BOC: variants seen among roughly 807,000 people sequenced by gnomAD.
The protein encoded by BOC is brother of CDO.
BOC carries 76 observed loss-of-function variants against 112.0 expected under a neutral mutation model. That is an observed-to-expected ratio of 0.68 (90% CI 0.56 to 0.82). The LOEUF (loss-of-function observed/expected upper bound fraction) is 0.82. BOC is among the 40% of genes least tolerant of loss of function. The pLI is 0.00. For missense variants in BOC, 1,309 were observed against 1,511.7 expected (o/e 0.87, Z 2.22); for synonymous variants, 580 against 599.8 (o/e 0.97, Z 0.48).
chr3:113,238,668 C>T (rs1312112015), intron 2 of BOC, among the ~76,000 whole-genome samples: 2 of 152,212 alleles, frequency 1.3e-5, no homozygotes, highest in African/African-American at 4.8e-5. Context: ...TAGGATCAGG[C>T]AGACCTGGTT....
intron 4 of BOC, chr3:113,261,789 C>T (rs1264217777): frequency 6.6e-6 from 1 of 152,164 alleles, no homozygotes; most frequent in Non-Finnish European, 1.5e-5. Context: ...TCCTGCCCAC[C>T]CCCAGATTTC....
At chr3:113,222,710 T>G (rs9874798) in intron 2 of BOC, among the ~76,000 whole-genome samples, 30,991 of 132,838 alleles carry the variant, frequency 0.23, 6,545 homozygotes, top group African/African-American at 0.59. Context: ...CGCAGGGGGG[T>G]GCCCAGCTCA....
At position 113,274,437 on chromosome 3, in the gene BOC, T is replaced by C; in HGVS notation, c.1297T>C (p.Ser433Pro). The C allele has an allele frequency of 6.2e-7, 1 of 1,600,576 alleles. No individual in the cohort carries two copies. The highest frequency in any genetic ancestry group is 8.5e-7 in the Non-Finnish European group (1 of 1,170,648). Residue 433 changes from serine (S) to proline (P), a missense_variant, in exon 9 of 20, where the codon TCC (serine) becomes CCC (proline). Physicochemically the swap from Ser to Pro is moderately conservative, Grantham distance 74 (BLOSUM62 -1). Coordinates refer to ENST00000682979, the MANE Select transcript of BOC (RefSeq NM_001378074.1). This position sits in a 1 kb window ranked among gnomAD's most constrained non-coding sequence, Gnocchi z 4.8. Reference sequence around the variant, plus strand: ...TACTGGCACACCTCCTGTATCACCCTCCAAACTCGGCAACCCTGAGCAGAT... The same window carrying C: ...TACTGGCACACCTCCTGTATCACCCCCCAAACTCGGCAACCCTGAGCAGAT... ...LATGTPPVSPSKLGNPEQMLR... is the reference protein window; with the variant it reads ...LATGTPPVSPPKLGNPEQMLR...
chr3:113,274,747 C>T lies in BOC; in HGVS notation c.1542+65C>T. On this transcript the variant is annotated intron_variant, in intron 9 of 19. Transcript: ENST00000682979. The surrounding 1 kb of genome is among the most constrained non-coding windows in gnomAD (Gnocchi z 4.8). ...CCTTTCCAGCAAGGCTGAGCAGAGT[C>T]ACTGTCTCTTGGCCATCTCCCCTTG... is the stretch of plus-strand genomic sequence containing the variant. 6.7e-7 allele frequency: 1 copy of T among 1,487,334 alleles called. No individual in the cohort carries two copies. Among genetic ancestry groups the T allele is most frequent in the Non-Finnish European group, 9.1e-7 (1 of 1,102,846 alleles). The allele number at this position is 1,487,334 out of a possible 1,614,324, so 92.1% of individuals were successfully genotyped here. A position where few individuals can be genotyped will look rare whatever the true frequency, so the allele number is the denominator to read the frequency against.
At chr3:113,277,742 C>T (rs1430332677) in intron 9 of BOC, among the ~76,000 whole-genome samples, 1 of 152,230 alleles carries the variant, frequency 6.6e-6, no homozygotes, top group African/African-American at 2.4e-5. Flanking sequence ...ATTTGGTTTA[C>T]ATACAGAAGG....
chr3:113,247,200 G>A (rs1433741467), intron 2 of BOC, among the ~76,000 whole-genome samples: 1 of 151,912 alleles, frequency 6.6e-6, no homozygotes, highest in Admixed American at 6.6e-5. Context: ...CCTTCTTGGG[G>A]CATGGAAGGA....
intron 1 of BOC, among the ~76,000 whole-genome samples, chr3:113,215,303 G>C (rs1343561049): frequency 6.6e-6 from 1 of 152,114 alleles, no homozygotes; most frequent in African/African-American, 2.4e-5. Flanking sequence ...GGTTGGTAAC[G>C]GATAGAGAAG....
Position 113,270,830 on chromosome 3 carries a change from C to G in BOC, c.553C>G (p.Leu185Val). 6.2e-7 allele frequency: 1 copy of G among 1,613,770 alleles called. No homozygotes were observed. Among genetic ancestry groups the G allele is most frequent in the Non-Finnish European group, 8.5e-7 (1 of 1,179,784 alleles). ...GNYLIMPSGN[L>V]QIVNASQEDE... ...CTACCTGATCATGCCCTCAGGGAAC[C>G]TCCAGATTGTGAATGCCAGCCAGGA... The change falls in exon 6 of 20, where the codon CTC (leucine) becomes GTC (valine). Residue 185 changes from leucine to valine, a missense_variant. By Grantham distance (32) the Leu-to-Val change is conservative. Transcript: ENST00000682979.
At chr3:113,217,398 G>A (rs536230996) in intron 2 of BOC, among the ~76,000 whole-genome samples, 1 of 152,282 alleles carries the variant, frequency 6.6e-6, no homozygotes, top group Non-Finnish European at 1.5e-5. Context: ...GTGGTGGCAT[G>A]CGCCTGTAAT....
chr3:113,248,456 G>T (rs1945206240), intron 2 of BOC, among the ~76,000 whole-genome samples: 2 of 152,188 alleles, frequency 1.3e-5, no homozygotes, highest in Admixed American at 1.3e-4. Flanking sequence ...TTAACATTTT[G>T]AATGTATGTC....
Position 113,278,335 on chromosome 3 carries a change from G to C in BOC, c.1705+78G>C, listed in dbSNP as rs759166526. ...TCCACTGGCCCAGGTGAGAATTCCT[G>C]CTCACCTTGCCCCAGCTGTTCACCT... On this transcript the variant is annotated intron_variant, in intron 10 of 19. Coordinates refer to ENST00000682979, the MANE Select transcript of BOC (RefSeq NM_001378074.1). The surrounding 1 kb of genome is among the most constrained non-coding windows in gnomAD (Gnocchi z 4.2). 8.9e-6 allele frequency: 13 copies of C among 1,453,234 alleles called. No individual in the cohort carries two copies. Among genetic ancestry groups the C allele is most frequent in the Non-Finnish European group, 1.2e-5 (13 of 1,051,266 alleles). The allele number at this position is 1,453,234 out of a possible 1,614,324, so 90.0% of individuals were successfully genotyped here. A position where few individuals can be genotyped will look rare whatever the true frequency, so the allele number is the denominator to read the frequency against.
chr3:113,248,477 A>G (rs1017715557), intron 2 of BOC, among the ~76,000 whole-genome samples: 1 of 152,208 alleles, frequency 6.6e-6, no homozygotes, highest in Non-Finnish European at 1.5e-5. Flanking sequence ...ACACTCCTAG[A>G]AATATACTAT....
intron 4 of BOC, among the ~76,000 whole-genome samples, chr3:113,266,825 TC>T (rs1193771877): frequency 6.6e-6 from 1 of 152,210 alleles, no homozygotes; most frequent in Non-Finnish European, 1.5e-5. Flanking sequence ...CAGGGCTTCC[TC>T]CCCTGTGTTG....
chr3:113,268,456 A>C lies in BOC; in HGVS notation c.523+11A>C. ...TGGAGGCCTCCAGAGGTGAGTGGGC[A>C]GGAGCCCAGAGGCCAAGGCTGAGGC... On this transcript the variant is annotated intron_variant, in intron 5 of 19. Transcript: ENST00000682979. 6.2e-7 allele frequency: 1 copy of C among 1,612,802 alleles called. No homozygotes were observed. The highest frequency in any genetic ancestry group is 8.5e-7 in the Non-Finnish European group (1 of 1,179,440).
chr3:113,259,081 A>C (rs1251870736), intron 4 of BOC, among the ~76,000 whole-genome samples: 1 of 152,212 alleles, frequency 6.6e-6, no homozygotes, highest in African/African-American at 2.4e-5. Context: ...GCAAGTACCC[A>C]GACAGATCCG....
intron 4 of BOC, among the ~76,000 whole-genome samples, chr3:113,254,709 C>T (rs1946043633): frequency 6.6e-6 from 1 of 152,236 alleles, no homozygotes; most frequent in African/African-American, 2.4e-5. Context: ...GTCCCATGTT[C>T]ATCCTCGCAC....
chr3:113,278,639 C>A lies in BOC; in HGVS notation c.1706-34C>A. The stretch of plus-strand genomic sequence containing the variant: ...TGGGAGGGAGATCTCATGCCTGCTT[C>A]CTCCCTTGCTGACTACAACCCATTT... On this transcript the variant is annotated intron_variant, in intron 10 of 19. Coordinates refer to ENST00000682979, the MANE Select transcript of BOC (RefSeq NM_001378074.1). This position sits in a 1 kb window ranked among gnomAD's most constrained non-coding sequence, Gnocchi z 4.2. 1.3e-6 allele frequency: 2 copies of A among 1,518,356 alleles called. No homozygotes were observed. Among genetic ancestry groups the A allele is most frequent in the Non-Finnish European group, 1.8e-6 (2 of 1,116,852 alleles). 94.1% of individuals were successfully genotyped at this position (1,518,356 alleles called of 1,614,324 possible).
At chr3:113,271,502 T>A (rs1194431893) in intron 6 of BOC, 3 of 298,016 alleles carry the variant, frequency 1.0e-5, no homozygotes, top group Non-Finnish European at 2.0e-5. Flanking sequence ...AGGAGTGACA[T>A]CTTACACGGA....
intron 4 of BOC, among the ~76,000 whole-genome samples, chr3:113,267,903 C>T (rs545694301): frequency 3.0e-4 from 45 of 152,286 alleles, no homozygotes; most frequent in African/African-American, 1.0e-3. Context: ...TCTCTTGTAT[C>T]GTTCCCTTCC....
Sources: allele counts gnomAD v4.1 joint callset (sites outside exome capture counted in the v4.1 genomes callset), GRCh38; gene constraint gnomAD v4.1.1; non-coding constraint Gnocchi (gnomAD v3.1); transcripts MANE v1.5; gene names NCBI Gene and HGNC (gene_info 2026-07-23, HGNC 2026-07-21).